PINX1: variants seen among roughly 807,000 people sequenced by gnomAD.
PINX1 encodes the protein PIN2/TERF1-interacting telomerase inhibitor 1.
A neutral mutation model predicts 25.4 loss-of-function variants in PINX1; 34 were observed. The observed-to-expected ratio is 1.34, with a 90% CI of 1.02 to 1.78. The LOEUF (loss-of-function observed/expected upper bound fraction) is 1.78. PINX1 is among the 40% of genes most tolerant of loss of function. The probability of loss-of-function intolerance (pLI) is 0.00; values close to 1 mark genes in which losing one functional copy is unlikely to be tolerated. For missense variants in PINX1, 592 were observed against 404.9 expected, an observed-to-expected ratio of 1.46 and a Z score of -3.97; for synonymous variants, 197 against 147.7, an observed-to-expected ratio of 1.33 and a Z score of -2.42.
intron 6 of PINX1, among the ~76,000 whole-genome samples, chr8:10,816,918 T>C (rs1490840130): frequency 6.6e-6 from 1 of 152,216 alleles, no homozygotes; most frequent in African/African-American, 2.4e-5. Flanking sequence ...ACAGAGGAGA[T>C]ACTGATATTT....
intron 4 of PINX1, among the ~76,000 whole-genome samples, chr8:10,826,472 G>C (rs960074791): frequency 1.3e-5 from 2 of 152,206 alleles, no homozygotes; most frequent in African/African-American, 4.8e-5. Context: ...GATCAGGCCA[G>C]GCTGCCCTCC....
chr8:10,822,257 T>C (rs1797901252), intron 5 of PINX1: 1 of 146,428 alleles, frequency 6.8e-6, no homozygotes, highest in African/African-American at 2.4e-5. Flanking sequence ...GGAAAGCTTA[T>C]AAACACCAGG....
At chr8:10,793,009 A>C (rs919460959) in intron 6 of PINX1, among the ~76,000 whole-genome samples, 7 of 152,084 alleles carry the variant, frequency 4.6e-5, no homozygotes, top group African/African-American at 1.7e-4. Context: ...TGGATTTGCT[A>C]GATCCTGCTC....
intron 6 of PINX1, among the ~76,000 whole-genome samples, chr8:10,776,894 T>C (rs1004332905): frequency 2.6e-5 from 4 of 152,198 alleles, no homozygotes; most frequent in Non-Finnish European, 4.4e-5. Flanking sequence ...GTTTTCATGA[T>C]GTCACAGAAG....
At chr8:10,795,246 C>G (rs1463826495) in intron 6 of PINX1, among the ~76,000 whole-genome samples, 3 of 152,236 alleles carry the variant, frequency 2.0e-5, no homozygotes, top group Non-Finnish European at 4.4e-5. Flanking sequence ...AAGTTCAGTT[C>G]ATAGCAATGT....
At chr8:10,809,957 C>A (rs977619911) in intron 6 of PINX1, among the ~76,000 whole-genome samples, 1 of 152,186 alleles carries the variant, frequency 6.6e-6, no homozygotes, top group Non-Finnish European at 1.5e-5. Context: ...GGCATCTGCT[C>A]CTGGTGAGGC....
intron 6 of PINX1, among the ~76,000 whole-genome samples, chr8:10,767,735 AGGCTCGGTG>A: frequency 3.3e-5 from 5 of 151,604 alleles, no homozygotes; most frequent in Admixed American, 6.6e-5. Context: ...CCACAGAGAC[AGGCTCGGTG>A]ACCAGGCACC....
chr8:10,793,462 A>G (rs993908554), intron 6 of PINX1, among the ~76,000 whole-genome samples: 3 of 152,208 alleles, frequency 2.0e-5, no homozygotes, highest in Admixed American at 2.0e-4. Flanking sequence ...ATTTAAAAAA[A>G]ATTGCAAAAA....
intron 6 of PINX1, among the ~76,000 whole-genome samples, chr8:10,785,755 G>A (rs947340937): frequency 4.6e-5 from 7 of 152,180 alleles, no homozygotes; most frequent in Admixed American, 1.3e-4. Context: ...CCAGTATGTG[G>A]AGGTCTGTTG....
chr8:10,779,171 G>A (rs542737488), intron 6 of PINX1, among the ~76,000 whole-genome samples: 5 of 152,268 alleles, frequency 3.3e-5, no homozygotes, highest in Admixed American at 1.3e-4. Flanking sequence ...TTTTTTAAAG[G>A]ATTATGTGTA....
At chr8:10,797,163 C>G (rs1802110298) in intron 6 of PINX1, among the ~76,000 whole-genome samples, 1 of 152,144 alleles carries the variant, frequency 6.6e-6, no homozygotes, top group Non-Finnish European at 1.5e-5. Flanking sequence ...CAGCAGGGGT[C>G]TTCACGCTCA....
intron 6 of PINX1, among the ~76,000 whole-genome samples, chr8:10,781,373 T>C (rs1312592691): frequency 6.6e-6 from 1 of 152,158 alleles, no homozygotes; most frequent in Non-Finnish European, 1.5e-5. Context: ...AAAAAGCTTC[T>C]GCACAGCAGA....
At chr8:10,768,811 C>A (rs1411361754) in intron 6 of PINX1, among the ~76,000 whole-genome samples, 7 of 152,228 alleles carry the variant, frequency 4.6e-5, no homozygotes, top group African/African-American at 1.7e-4. Context: ...CCTGCTTCTG[C>A]ATTCTTGACC....
intron 6 of PINX1, among the ~76,000 whole-genome samples, chr8:10,782,137 G>C (rs1046569004): frequency 1.5e-4 from 23 of 152,294 alleles, no homozygotes; most frequent in Non-Finnish European, 2.2e-4. Flanking sequence ...AATAGAAATA[G>C]AGAGTAAGAT....
At chr8:10,787,224 C>A (rs752223520) in intron 6 of PINX1, among the ~76,000 whole-genome samples, 1 of 151,628 alleles carries the variant, frequency 6.6e-6, no homozygotes. Flanking sequence ...CACACACACA[C>A]GTTTGTTTGT....
At chr8:10,808,362 G>C (rs2409659) in intron 6 of PINX1, among the ~76,000 whole-genome samples, 33,143 of 152,200 alleles carry the variant, frequency 0.22, 5,434 homozygotes, top group African/African-American at 0.46. Context: ...TTGTGAGGTG[G>C]AGTGGCAAGG....
chr8:10,771,699 G>C (rs1801228078), intron 6 of PINX1, among the ~76,000 whole-genome samples: 2 of 152,214 alleles, frequency 1.3e-5, no homozygotes, highest in African/African-American at 2.4e-5. Flanking sequence ...CTTTGTGTTT[G>C]TCAGTACGAA....
chr8:10,806,967 C>G (rs540294693), intron 6 of PINX1, among the ~76,000 whole-genome samples: 1 of 152,340 alleles, frequency 6.6e-6, no homozygotes, highest in East Asian at 1.9e-4. Flanking sequence ...TCTGAGAAGG[C>G]TGCCTCTGCA....
At chr8:10,815,045 T>A (rs2129084196) in intron 6 of PINX1, among the ~76,000 whole-genome samples, 1 of 152,160 alleles carries the variant, frequency 6.6e-6, no homozygotes, top group East Asian at 1.9e-4. Flanking sequence ...ACTCAAGCAA[T>A]CCTCCCATCT....
Sources: allele counts gnomAD v4.1 joint callset (sites outside exome capture counted in the v4.1 genomes callset), GRCh38; gene constraint gnomAD v4.1.1; transcripts MANE v1.5; gene names NCBI Gene and HGNC (gene_info 2026-07-23, HGNC 2026-07-21).